Variants in NXPE2 observed in about 807,000 individuals in gnomAD.
The protein encoded by NXPE2 is NXPE family member 2.
NXPE2 carries 34 observed loss-of-function variants against 34.4 expected under a neutral mutation model. That is an observed-to-expected ratio of 0.99 (90% CI 0.75 to 1.31). NXPE2 has a LOEUF of 1.31. Among genes scored for constraint, NXPE2 ranks in the 40% most tolerant of loss-of-function variants. The probability of loss-of-function intolerance (pLI) is 0.00; values close to 1 mark genes in which losing one functional copy is unlikely to be tolerated. For missense variants in NXPE2, 649 were observed against 672.5 expected, an observed-to-expected ratio of 0.97 and a Z score of 0.39; for synonymous variants, 235 against 231.3, an observed-to-expected ratio of 1.02 and a Z score of -0.15.
At chr11:114,484,066 G>C in the NXPE2 span, among the ~76,000 whole-genome samples, 18 of 152,042 alleles carry the variant, frequency 1.2e-4, no homozygotes, top group Admixed American at 1.3e-4. Context: ...GGAGAACTTG[G>C]GAAAGTTCTC....
chr11:114,576,824 A>C, the NXPE2 span, among the ~76,000 whole-genome samples: 1 of 151,714 alleles, frequency 6.6e-6, no homozygotes, highest in African/African-American at 2.4e-5. Flanking sequence ...TGATCCAGCA[A>C]TCCTGCTTCT....
At chr11:114,522,882 T>G in the NXPE2 span, 1 of 1,608,170 alleles carries the variant, frequency 6.2e-7, no homozygotes, top group African/African-American at 1.3e-5. Flanking sequence ...TACCTACTTT[T>G]TACAACTTTG....
the NXPE2 span, among the ~76,000 whole-genome samples, chr11:114,629,855 C>A: frequency 6.6e-6 from 1 of 150,452 alleles, no homozygotes; most frequent in East Asian, 1.9e-4. Flanking sequence ...ACAAAAATCA[C>A]AACCATTCTT....
At chr11:114,780,132 C>T in the NXPE2 span, among the ~76,000 whole-genome samples, 1 of 152,162 alleles carries the variant, frequency 6.6e-6, no homozygotes, top group African/African-American at 2.4e-5. Flanking sequence ...ATTGCTGTTT[C>T]CCAGGCTATC....
the NXPE2 span, among the ~76,000 whole-genome samples, chr11:114,725,976 A>AAAAAATATATATAT: frequency 2.9e-5 from 3 of 101,768 alleles, no homozygotes; most frequent in African/African-American, 6.8e-5. Context: ...ATAAAAAAAA[A>AAAAAATATATATAT]ATATATATAT....
At chr11:114,492,288 G>T in the NXPE2 span, among the ~76,000 whole-genome samples, 1 of 151,848 alleles carries the variant, frequency 6.6e-6, no homozygotes, top group South Asian at 2.1e-4. Flanking sequence ...TCGTGTATTT[G>T]TATAGTTTCC....
the NXPE2 span, chr11:114,580,385 C>T: frequency 6.5e-7 from 1 of 1,536,268 alleles, no homozygotes; most frequent in African/African-American, 1.4e-5. Flanking sequence ...ATCAAATTAC[C>T]CGTCAGTATG....
the NXPE2 span, among the ~76,000 whole-genome samples, chr11:114,666,596 G>T: frequency 1.3e-5 from 2 of 152,084 alleles, no homozygotes; most frequent in Non-Finnish European, 2.9e-5. Context: ...TGTTCTATCT[G>T]TTGATTAATA....
chr11:114,776,655 C>G, the NXPE2 span, among the ~76,000 whole-genome samples: 4 of 152,204 alleles, frequency 2.6e-5, no homozygotes, highest in Non-Finnish European at 5.9e-5. Context: ...TTTTCCTTAA[C>G]TCATTGTAAA....
At chr11:114,592,163 T>A in the NXPE2 span, among the ~76,000 whole-genome samples, 57 of 152,240 alleles carry the variant, frequency 3.7e-4, 1 homozygote, top group East Asian at 4.8e-3. Context: ...GTATTGGAAG[T>A]CCTAGCCAGA....
chr11:114,523,349 G>A, the NXPE2 span, among the ~76,000 whole-genome samples: 43 of 152,072 alleles, frequency 2.8e-4, no homozygotes, highest in Admixed American at 1.0e-3. Context: ...AAATCTTGAC[G>A]TTCTATCCTT....
chr11:114,648,352 A>C, the NXPE2 span, among the ~76,000 whole-genome samples: 1 of 152,128 alleles, frequency 6.6e-6, no homozygotes, highest in Non-Finnish European at 1.5e-5. Context: ...TACTCTGAAA[A>C]CAGGACAAAA....
At chr11:114,714,575 C>T in the NXPE2 span, among the ~76,000 whole-genome samples, 1 of 152,188 alleles carries the variant, frequency 6.6e-6, no homozygotes, top group Non-Finnish European at 1.5e-5. Context: ...GGCCAGGCCT[C>T]TGTATCTCCC....
chr11:114,604,693 G>A, the NXPE2 span, among the ~76,000 whole-genome samples: 1 of 151,938 alleles, frequency 6.6e-6, no homozygotes, highest in African/African-American at 2.4e-5. Context: ...CAGTTACCTG[G>A]TGGAGAATAA....
the NXPE2 span, among the ~76,000 whole-genome samples, chr11:114,670,978 AAAAG>A: frequency 6.6e-6 from 1 of 150,562 alleles, no homozygotes; most frequent in Non-Finnish European, 1.5e-5. Flanking sequence ...CCTGCTTAAA[AAAAG>A]AAAGGAAATT....
intron 3 of NXPE2, among the ~76,000 whole-genome samples, chr11:114,703,702 T>TAGACAGACAGAC (rs1951415507): frequency 4.0e-5 from 1 of 24,880 alleles, no homozygotes; most frequent in Admixed American, 4.0e-4. Context: ...AGATAGATGA[T>TAGACAGACAGAC]AGATAGATAG....
chr11:114,518,638 G>T, the NXPE2 span, among the ~76,000 whole-genome samples: 1 of 152,096 alleles, frequency 6.6e-6, no homozygotes, highest in Non-Finnish European at 1.5e-5. Context: ...TTGCTCTGAG[G>T]TATCCTTTGC....
the NXPE2 span, among the ~76,000 whole-genome samples, chr11:114,555,655 C>T: frequency 6.6e-6 from 1 of 152,212 alleles, no homozygotes; most frequent in African/African-American, 2.4e-5. Context: ...ATTTTGTCCT[C>T]CTCCTGTGCA....
the NXPE2 span, among the ~76,000 whole-genome samples, chr11:114,730,914 G>A: frequency 6.6e-6 from 1 of 152,118 alleles, no homozygotes; most frequent in Non-Finnish European, 1.5e-5. Flanking sequence ...CTCTGGCTAG[G>A]ACTTCCAGTA....
Sources: allele counts gnomAD v4.1 joint callset (sites outside exome capture counted in the v4.1 genomes callset), GRCh38; gene constraint gnomAD v4.1.1; transcripts MANE v1.5; gene names NCBI Gene and HGNC (gene_info 2026-07-23, HGNC 2026-07-21).